The following GALC variants were observed in gnomAD, a reference collection of about 807,000 sequenced individuals.
GALC encodes the protein galactocerebrosidase.
In GALC, 77 loss-of-function variants were observed where a neutral mutation model predicts 91.8. The ratio of observed to expected loss-of-function variants is 0.84; its 90% CI spans 0.70 to 1.01. The LOEUF is 1.01. GALC is among the 50% of genes least tolerant of loss of function. GALC has a pLI of 0.00. For missense variants in GALC, 882 were observed against 855.9 expected (o/e 1.03, Z -0.38); for synonymous variants, 357 against 306.7 (o/e 1.16, Z -1.71).
rs749597090 is a variant in GALC at position 87,945,552 on chromosome 14, C to T, written c.1670+1G>A. On this transcript the variant is annotated splice_donor_variant, in intron 14 of 16. Transcript: ENST00000261304. LOFTEE classifies it high-confidence loss of function. ...ATCCACATTGAGAACATCAATCTTA[C>T]CAGTTGTAGTCTCCTATAATACTGA... The T allele has an allele frequency of 6.3e-7, 1 of 1,585,698 alleles. No individual in the cohort carries two copies. Among genetic ancestry groups the T allele is most frequent in the East Asian group, 2.2e-5 (1 of 44,718 alleles).
intron 9 of GALC, among the ~76,000 whole-genome samples, chr14:87,963,831 C>T (rs142145886): frequency 6.6e-6 from 1 of 151,774 alleles, no homozygotes; most frequent in East Asian, 1.9e-4. Flanking sequence ...TTAATCCATC[C>T]TAAAATAGCT....
chr14:87,964,631 T>C (rs1185157527), intron 9 of GALC, among the ~76,000 whole-genome samples: 1 of 152,158 alleles, frequency 6.6e-6, no homozygotes, highest in Non-Finnish European at 1.5e-5. Context: ...AATGATACTG[T>C]AGTAAAACTT....
At chr14:87,942,403 C>A (rs1004654297) in intron 14 of GALC, among the ~76,000 whole-genome samples, 1 of 152,038 alleles carries the variant, frequency 6.6e-6, no homozygotes, top group African/African-American at 2.4e-5. Context: ...CCAGGGACTA[C>A]CAGAGCTTTT....
At chr14:87,962,322 T>C (rs1428298256) in intron 10 of GALC, among the ~76,000 whole-genome samples, 1 of 150,972 alleles carries the variant, frequency 6.6e-6, no homozygotes, top group African/African-American at 2.4e-5. Flanking sequence ...GAAGTGTAGA[T>C]TCTGGGAGGG....
chr14:87,955,367 A>G (rs1177657242), intron 10 of GALC, among the ~76,000 whole-genome samples: 1 of 152,136 alleles, frequency 6.6e-6, no homozygotes, highest in Non-Finnish European at 1.5e-5. Context: ...TGTGAGGTTT[A>G]AAAAGATTAT....
intron 7 of GALC, among the ~76,000 whole-genome samples, chr14:87,975,599 T>C (rs1886461334): frequency 6.6e-6 from 1 of 152,096 alleles, no homozygotes; most frequent in Admixed American, 6.6e-5. Context: ...TGGTCATGGA[T>C]TCACAGTTCA....
rs547130708 is a variant in GALC at position 87,989,881 on chromosome 14, T to C, written c.196-1358A>G. Among the ~76,000 whole-genome samples, 6 of 152,346 alleles carry C rather than the reference T, an allele frequency of 3.9e-5. No homozygotes were observed. The East Asian group carries it at 9.6e-4, about 24-fold the overall frequency. ...CGCTCAATTTTGCACCCAAATCCCT[T>C]AATTATTTGGCTCCTAACCCTGATA... On this transcript the variant is annotated intron_variant, in intron 1 of 16. Transcript: ENST00000261304.
intron 1 of GALC, chr14:87,992,621 A>G: frequency 6.9e-7 from 1 of 1,447,504 alleles, no homozygotes; most frequent in Non-Finnish European, 9.0e-7. Flanking sequence ...CCCGACTGCC[A>G]TCTCCGCGAT....
chr14:87,937,782 C>CA (rs1204596406), intron 16 of GALC, among the ~76,000 whole-genome samples: 2 of 151,444 alleles, frequency 1.3e-5, no homozygotes, highest in Non-Finnish European at 2.9e-5. Flanking sequence ...TTCATGATTT[C>CA]AAAAAAACTC....
chr14:87,943,678 C>T (rs780452804), intron 14 of GALC, among the ~76,000 whole-genome samples: 4 of 151,958 alleles, frequency 2.6e-5, no homozygotes, highest in African/African-American at 9.7e-5. Flanking sequence ...ATATCTCCAC[C>T]ATAAAGTGGT....
At chr14:87,992,859 C>T in intron 1 of GALC, 111 bp downstream of exon 1, 1 of 1,397,704 alleles carries the variant, frequency 7.2e-7, no homozygotes, top group Non-Finnish European at 9.2e-7. Context: ...GGGAATGCGG[C>T]GGAGAGTGGA....
upstream of GALC, chr14:87,993,292 G>T: frequency 6.5e-7 from 1 of 1,538,384 alleles, no homozygotes; most frequent in Admixed American, 2.0e-5. Flanking sequence ...GGCCTCTGAC[G>T]CAGCTGGCGG....
intron 3 of GALC, among the ~76,000 whole-genome samples, chr14:87,987,229 T>C (rs948996387): frequency 6.6e-6 from 1 of 152,374 alleles, no homozygotes. Flanking sequence ...CACCAACATC[T>C]GCCCTTGCTA....
intron 5 of GALC, among the ~76,000 whole-genome samples, chr14:87,983,458 T>C (rs1886829922): frequency 6.6e-6 from 1 of 152,236 alleles, no homozygotes; most frequent in Admixed American, 6.5e-5. Flanking sequence ...TCATGTAGTA[T>C]TACAGTTTAT....
chr14:87,992,376 TC>T, intron 1 of GALC: 1 of 1,535,686 alleles, frequency 6.5e-7, no homozygotes, highest in Non-Finnish European at 8.7e-7. Flanking sequence ...TCGCTTATCT[TC>T]CTTTTAAAGA....
intron 10 of GALC, chr14:87,952,566 GT>G (rs1885356735): frequency 1.9e-6 from 2 of 1,064,500 alleles, no homozygotes. Context: ...ACAACACACA[GT>G]TTCTTTAATG....
chr14:87,989,589 C>G (rs1279479152), intron 1 of GALC: 4 of 152,318 alleles, frequency 2.6e-5, no homozygotes, highest in Non-Finnish European at 5.9e-5. Context: ...GTCCAAACTT[C>G]CCATGTACCC....
intron 7 of GALC, among the ~76,000 whole-genome samples, chr14:87,975,377 A>G (rs1886452395): frequency 6.7e-6 from 1 of 149,960 alleles, no homozygotes; most frequent in Non-Finnish European, 1.5e-5. Context: ...TCAATCAAAT[A>G]AAACTATAAG....
In GALC at chr14:87,976,401, T is replaced by C. The variant is rs1886493499; in HGVS notation, c.709A>G (p.Met237Val). The C allele has an allele frequency of 2.5e-6, 4 of 1,613,946 alleles. No individual in the cohort carries two copies. Among genetic ancestry groups the C allele is most frequent in the Admixed American group, 1.7e-5 (1 of 59,994 alleles). The change falls in exon 7 of 17, where the codon ATG becomes GTG. Residue 237 changes from methionine to valine, a missense_variant. Met to Val is a conservative substitution (Grantham distance 21). Transcript: ENST00000261304. The part of the protein sequence containing the change: ...DNLWESISAS[M>V]LLDAELFKVV... Reference sequence around the variant, plus strand: ...TTGAAGAGTTCGGCATCAAGGAGCATGGATGCAGAGATGGACTCCCAGAGA... The same window carrying C: ...TTGAAGAGTTCGGCATCAAGGAGCACGGATGCAGAGATGGACTCCCAGAGA...
Sources: gnomAD v4.1 joint callset for allele counts (sites outside exome capture counted in the v4.1 genomes callset) on GRCh38, gnomAD v4.1.1 for gene constraint, MANE v1.5 for transcripts, NCBI Gene and HGNC (gene_info 2026-07-23, HGNC 2026-07-21) for gene names.